The following ITGA1 variants were observed in gnomAD, a reference collection of about 807,000 sequenced individuals.
The protein encoded by ITGA1 is integrin subunit alpha 1.
Under a neutral mutation model 145.9 loss-of-function variants are expected in ITGA1, and 85 were observed. The ratio of observed to expected loss-of-function variants is 0.58; its 90% CI spans 0.49 to 0.70. The LOEUF (loss-of-function observed/expected upper bound fraction) is 0.70. Among genes scored for constraint, ITGA1 ranks in the 30% least tolerant of loss-of-function variants. ITGA1 has a pLI of 0.00. For synonymous variants in ITGA1, 520 were observed against 495.3 expected (o/e 1.05, Z -0.66); for missense variants, 1,351 against 1,418.7 (o/e 0.95, Z 0.77).
chr5:52,829,572 G>A (rs1749024295), intron 1 of ITGA1, among the ~76,000 whole-genome samples: 2 of 151,962 alleles, frequency 1.3e-5, no homozygotes, highest in African/African-American at 2.4e-5. Context: ...GATGGAAAAG[G>A]GGACTTATAT....
chr5:52,805,368 TA>T (rs954778714), intron 1 of ITGA1, among the ~76,000 whole-genome samples: 2 of 151,974 alleles, frequency 1.3e-5, no homozygotes, highest in African/African-American at 4.8e-5. Context: ...GAAGACTGGT[TA>T]AAAAAATGCA....
chr5:52,887,715 C>T, intron 7 of ITGA1, 100 bp from the exon 8 acceptor site: 1 of 1,144,524 alleles, frequency 8.7e-7, no homozygotes, highest in East Asian at 2.5e-5. Context: ...GAGGGAAGCA[C>T]CAGGCTACCT....
At chr5:52,869,025 C>A (rs1749733777) in intron 6 of ITGA1, among the ~76,000 whole-genome samples, 1 of 152,156 alleles carries the variant, frequency 6.6e-6, no homozygotes, top group Non-Finnish European at 1.5e-5. Context: ...CCATGTTTCT[C>A]CAATTATGGC....
Position 52,920,466 on chromosome 5 carries a change from T to C in ITGA1, c.2290T>C (p.Leu764=), listed in dbSNP as rs760763584. ...ATGCACTAAGCACTCCTTCTACATG[T>C]TGGCAAGTAAATCATATATCGTTGC... ...SECTKHSFYM[L]DKHDFQDSVR... Residue 764 remains leucine, a splice_region_variant and synonymous_variant, in exon 17 of 29, where the codon TTG becomes CTG. Coordinates refer to ENST00000282588, the MANE Select transcript of ITGA1 (RefSeq NM_181501.2). 2.6e-5 allele frequency: 42 copies of C among 1,594,434 alleles called. No homozygotes were observed. The East Asian group carries it at 6.1e-4, about 23-fold the overall frequency.
chr5:52,946,807 T>G (rs1751141987), intron 27 of ITGA1, among the ~76,000 whole-genome samples: 1 of 152,186 alleles, frequency 6.6e-6, no homozygotes. Flanking sequence ...AACATTGTGG[T>G]ATAATGAAGA....
At chr5:52,860,951 A>C (rs901518999) in intron 2 of ITGA1, among the ~76,000 whole-genome samples, 2 of 152,230 alleles carry the variant, frequency 1.3e-5, no homozygotes, top group African/African-American at 2.4e-5. Flanking sequence ...ATGATGTTCC[A>C]ATGTTTATAT....
intron 1 of ITGA1, among the ~76,000 whole-genome samples, chr5:52,830,538 A>G (rs574255374): frequency 1.1e-4 from 16 of 152,182 alleles, no homozygotes; most frequent in Non-Finnish European, 1.3e-4. Context: ...GTTCATCCAG[A>G]AAGTTACTCC....
chr5:52,812,490 C>T (rs1748696912), intron 1 of ITGA1, among the ~76,000 whole-genome samples: 1 of 152,156 alleles, frequency 6.6e-6, no homozygotes, highest in Admixed American at 6.5e-5. Flanking sequence ...GCTAGAATCA[C>T]CTCAGGAGAT....
At chr5:52,885,700 T>C (rs1204749743) in intron 7 of ITGA1, among the ~76,000 whole-genome samples, 2 of 152,204 alleles carry the variant, frequency 1.3e-5, no homozygotes, top group Non-Finnish European at 2.9e-5. Context: ...AGCAATGGGC[T>C]TTTACGAGCT....
intron 26 of ITGA1, among the ~76,000 whole-genome samples, chr5:52,942,001 C>T (rs1485399881): frequency 6.6e-6 from 1 of 152,094 alleles, no homozygotes; most frequent in Non-Finnish European, 1.5e-5. Flanking sequence ...TATGGCTAGC[C>T]AGTTATCCCA....
Position 52,897,509 on chromosome 5 carries a change from T to G in ITGA1, c.1145T>G (p.Phe382Cys). 1 of 1,613,038 alleles carries G rather than the reference T, an allele frequency of 6.2e-7. No individual in the cohort carries two copies. The highest frequency in any genetic ancestry group is 8.5e-7 in the Non-Finnish European group (1 of 1,179,152). ...SFEMEMSQTG[F>C]SAHYSQDWVM... ...GAAATGGAAATGTCTCAGACTGGCT[T>G]CAGTGCTCATTATTCACAGGTATGT... is the stretch of plus-strand genomic sequence containing the variant. Residue 382 changes from phenylalanine to cysteine, a missense_variant, in exon 10 of 29, where the codon TTC becomes TGC. By Grantham distance (205) the Phe-to-Cys change is radical (BLOSUM62 -2). Transcript: ENST00000282588.
chr5:52,912,020 ATAGTGTGTATC>A (rs1750558203), intron 14 of ITGA1, among the ~76,000 whole-genome samples: 10 of 130,030 alleles, frequency 7.7e-5, no homozygotes, highest in South Asian at 2.4e-4. Context: ...TACTATATGT[ATAGTGTGTATC>A]TACTATATAT....
chr5:52,815,350 CT>C (rs1396981361), intron 1 of ITGA1, among the ~76,000 whole-genome samples: 2 of 152,180 alleles, frequency 1.3e-5, no homozygotes, highest in African/African-American at 4.8e-5. Context: ...AGGAGACATA[CT>C]TATTATAAAA....
At chr5:52,813,558 A>G (rs1748716523) in intron 1 of ITGA1, among the ~76,000 whole-genome samples, 1 of 152,210 alleles carries the variant, frequency 6.6e-6, no homozygotes, top group South Asian at 2.1e-4. Context: ...CCTGCTATAG[A>G]AATCACCTGT....
intron 1 of ITGA1, among the ~76,000 whole-genome samples, chr5:52,838,002 A>G (rs1379819254): frequency 6.6e-6 from 1 of 152,216 alleles, no homozygotes; most frequent in Non-Finnish European, 1.5e-5. Flanking sequence ...ACAAACTTTA[A>G]TGCCCTTTAA....
intron 1 of ITGA1, among the ~76,000 whole-genome samples, chr5:52,789,547 G>A (rs969560654): frequency 9.2e-5 from 14 of 152,178 alleles, no homozygotes; most frequent in African/African-American, 3.4e-4. Context: ...AATGTAAAGA[G>A]AGTTAATAAT....
In ITGA1 at chr5:52,958,540, T is replaced by C. The variant is rs1327995535; in HGVS notation, c.*6089T>C. ...CGTTTTATACAAGAGAACTCAACAT[T>C]TACTGTTTTATTTCTGATATTGCCT... On this transcript the variant is annotated 3_prime_UTR_variant, in exon 29 of 29. Transcript: ENST00000282588. The C allele has an allele frequency of 3.9e-5, 6 of 152,144 alleles. No homozygotes were observed. Among genetic ancestry groups the C allele is most frequent in the Non-Finnish European group, 8.8e-5 (6 of 68,008 alleles). The allele number at this position is 152,144 out of a possible 1,614,324, so 9.4% of individuals were successfully genotyped here. A position where few individuals can be genotyped will look rare whatever the true frequency, so the allele number is the denominator to read the frequency against.
chr5:52,936,340 G>A (rs116176869), intron 23 of ITGA1, among the ~76,000 whole-genome samples: 376 of 152,304 alleles, frequency 2.5e-3, no homozygotes, highest in African/African-American at 8.6e-3. Flanking sequence ...GAAGATAAGA[G>A]TTAGGGAGCA....
chr5:52,866,934 A>G (rs946036056), intron 6 of ITGA1: 16 of 152,260 alleles, frequency 1.1e-4, no homozygotes, highest in Admixed American at 2.6e-4. Context: ...TCAGAGCCTA[A>G]AAGATTGTTG....
Sources: gnomAD v4.1 joint callset for allele counts (sites outside exome capture counted in the v4.1 genomes callset) on GRCh38, gnomAD v4.1.1 for gene constraint, MANE v1.5 for transcripts, NCBI Gene and HGNC (gene_info 2026-07-23, HGNC 2026-07-21) for gene names.